The following NPAS2 variants were observed in gnomAD, a reference collection of about 807,000 sequenced individuals.
NPAS2 encodes the protein neuronal PAS domain protein 2, also known as neuronal PAS domain-containing protein 2.
A neutral mutation model predicts 107.5 loss-of-function variants in NPAS2; 23 were observed. The observed-to-expected ratio is 0.21, with a 90% CI of 0.15 to 0.30. The LOEUF (loss-of-function observed/expected upper bound fraction) is 0.30, where lower values mean the gene tolerates loss of function less well. Ranked by LOEUF, NPAS2 falls within the 10% of genes least tolerant of loss-of-function variation. The pLI, the probability that NPAS2 is intolerant of heterozygous loss-of-function variation, is 1.00. For missense variants in NPAS2, 756 were observed against 1,043.3 expected, an observed-to-expected ratio of 0.72 and a Z score of 3.79; for synonymous variants, 403 against 417.5, an observed-to-expected ratio of 0.97 and a Z score of 0.42.
upstream of NPAS2, among the ~76,000 whole-genome samples, chr2:100,819,969 C>T (rs1381809516): frequency 2.7e-5 from 4 of 150,508 alleles, no homozygotes; most frequent in African/African-American, 7.3e-5. The surrounding 1 kb of genome is among the most constrained non-coding windows in gnomAD (Gnocchi z 5.8). Flanking sequence ...GCGGCGCGCG[C>T]GGGGTGCTTG....
chr2:100,898,742 G>T (rs1020333061), intron 1 of NPAS2, among the ~76,000 whole-genome samples: 1 of 150,042 alleles, frequency 6.7e-6, no homozygotes, highest in South Asian at 2.1e-4. Flanking sequence ...TTTTTTCAGC[G>T]TAATAATTGG....
At chr2:100,930,439 T>C (rs1234985679) in intron 3 of NPAS2, among the ~76,000 whole-genome samples, 1 of 152,182 alleles carries the variant, frequency 6.6e-6, no homozygotes, top group East Asian at 1.9e-4. Context: ...CTCTAGGAAA[T>C]GGGTACAAGT....
intron 1 of NPAS2, among the ~76,000 whole-genome samples, chr2:100,887,681 CTTT>C (rs200266071): frequency 6.9e-6 from 1 of 145,054 alleles, no homozygotes; most frequent in African/African-American, 2.5e-5. Flanking sequence ...TTTTCTTTTT[CTTT>C]TTTTTTTTTT....
intron 1 of NPAS2, among the ~76,000 whole-genome samples, chr2:100,848,658 T>G (rs1677948461): frequency 6.6e-6 from 1 of 152,218 alleles, no homozygotes; most frequent in Non-Finnish European, 1.5e-5. Flanking sequence ...GGTGGGTGTT[T>G]GAGAGCATTA....
At chr2:100,876,689 G>A (rs1178106846) in intron 1 of NPAS2, among the ~76,000 whole-genome samples, 2 of 152,112 alleles carry the variant, frequency 1.3e-5, no homozygotes, top group Non-Finnish European at 2.9e-5. Flanking sequence ...TGTTGCTGTT[G>A]GTGGCAGGAG....
chr2:100,855,099 T>G (rs1678473353), intron 1 of NPAS2, among the ~76,000 whole-genome samples: 1 of 152,254 alleles, frequency 6.6e-6, no homozygotes, highest in Non-Finnish European at 1.5e-5. Context: ...AAATGTGGCT[T>G]GTAGGCATTT....
chr2:100,874,931 G>A (rs541230230), intron 1 of NPAS2, among the ~76,000 whole-genome samples: 5 of 152,064 alleles, frequency 3.3e-5, no homozygotes, highest in Admixed American at 6.6e-5. Flanking sequence ...GATGGGCCCC[G>A]GTGACTGTGG....
At chr2:100,859,422 C>T (rs1007605943) in intron 1 of NPAS2, among the ~76,000 whole-genome samples, 4 of 152,158 alleles carry the variant, frequency 2.6e-5, no homozygotes, top group Admixed American at 1.3e-4. Flanking sequence ...AAACCCAGAG[C>T]TCATAGAATA....
chr2:100,879,834 GGA>G (rs1680221629), intron 1 of NPAS2, among the ~76,000 whole-genome samples: 1 of 152,206 alleles, frequency 6.6e-6, no homozygotes. Flanking sequence ...AGCCACTCAA[GGA>G]GAGAGGCTCC....
chr2:100,967,468 C>T (rs919681261), intron 10 of NPAS2, among the ~76,000 whole-genome samples: 3 of 151,886 alleles, frequency 2.0e-5, no homozygotes, highest in Admixed American at 6.6e-5. Context: ...CCTCATGATC[C>T]GCCTGCCTCA....
intron 1 of NPAS2, among the ~76,000 whole-genome samples, chr2:100,887,160 C>T (rs1170910151): frequency 6.6e-6 from 1 of 152,222 alleles, no homozygotes; most frequent in Non-Finnish European, 1.5e-5. Flanking sequence ...CATTAGCCTC[C>T]AGGTTTGTGC....
rs527259221 is a variant in NPAS2 at position 100,941,727 on chromosome 2, T to C, written c.363+3885T>C. Among the ~76,000 whole-genome samples the C allele has an allele frequency of 1.1e-4, 16 of 151,810 alleles. No individual in the cohort carries two copies. In the East Asian group the frequency reaches 2.9e-3, roughly 28 times the overall value. The stretch of plus-strand genomic sequence containing the variant: ...TGGAATGAAAACCTTGCGGGAGAGA[T>C]CCAAGGGGCATGAGTCACGTGCCTT... On this transcript the variant is annotated intron_variant, in intron 5 of 20. Coordinates refer to ENST00000335681, the MANE Select transcript of NPAS2 (RefSeq NM_002518.4).
At chr2:100,923,993 T>G (rs1683404716) in intron 2 of NPAS2, among the ~76,000 whole-genome samples, 1 of 152,174 alleles carries the variant, frequency 6.6e-6, no homozygotes, top group Admixed American at 6.5e-5. Context: ...CTTGGGTGGC[T>G]TGGGGGAGGC....
chr2:100,843,134 G>A (rs897718611), intron 1 of NPAS2, among the ~76,000 whole-genome samples: 3 of 151,564 alleles, frequency 2.0e-5, no homozygotes, highest in African/African-American at 2.4e-5. Context: ...CAGGAGGATC[G>A]CTTGAACCCG....
chr2:100,961,645 C>T (rs1316572123), intron 7 of NPAS2, among the ~76,000 whole-genome samples: 1 of 152,166 alleles, frequency 6.6e-6, no homozygotes, highest in Non-Finnish European at 1.5e-5. Context: ...CAACAGTAAG[C>T]TCTGCAAAAC....
At chr2:100,900,928 A>G (rs1489356578) in intron 1 of NPAS2, among the ~76,000 whole-genome samples, 2 of 150,312 alleles carry the variant, frequency 1.3e-5, no homozygotes, top group East Asian at 3.9e-4. Flanking sequence ...GTGCCTCACT[A>G]TATTCCCCAG....
intron 15 of NPAS2, among the ~76,000 whole-genome samples, chr2:100,981,640 T>C: frequency 6.6e-6 from 1 of 152,018 alleles, no homozygotes; most frequent in East Asian, 1.9e-4. Flanking sequence ...GTTTTGTTCG[T>C]TTTTTGCACA....
intron 5 of NPAS2, 112 bp downstream of exon 5, chr2:100,937,954 G>C (rs1306600812): frequency 2.3e-6 from 2 of 874,376 alleles, no homozygotes; most frequent in Non-Finnish European, 3.9e-6. Context: ...CAGGTGAGAA[G>C]AGGGCGGAGA....
At chr2:100,973,639 C>T (rs1676752947) in intron 12 of NPAS2, among the ~76,000 whole-genome samples, 1 of 152,156 alleles carries the variant, frequency 6.6e-6, no homozygotes, top group Non-Finnish European at 1.5e-5. Flanking sequence ...CCCACTGCAG[C>T]CGTGACACAA....
Sources: allele counts gnomAD v4.1 joint callset (sites outside exome capture counted in the v4.1 genomes callset), GRCh38; gene constraint gnomAD v4.1.1; non-coding constraint Gnocchi (gnomAD v3.1); transcripts MANE v1.5; gene names NCBI Gene and HGNC (gene_info 2026-07-23, HGNC 2026-07-21).